The following CHST11 variants were observed in gnomAD, a reference collection of about 807,000 sequenced individuals.
CHST11 encodes the protein C4S-1.
In CHST11, 9 loss-of-function variants were observed where a neutral mutation model predicts 30.4. The observed-to-expected ratio is 0.30, with a 90% CI of 0.18 to 0.52. CHST11 has a LOEUF of 0.52. CHST11 is among the 20% of genes least tolerant of loss of function. The pLI is 0.97. For synonymous variants in CHST11, 152 were observed against 187.8 expected (o/e 0.81, Z 1.56); for missense variants, 348 against 460.6 (o/e 0.76, Z 2.24).
intron 2 of CHST11, among the ~76,000 whole-genome samples, chr12:104,691,343 A>T (rs2039894685): frequency 6.6e-6 from 1 of 151,856 alleles, no homozygotes; most frequent in South Asian, 2.1e-4. Flanking sequence ...TGAGAGTTAG[A>T]CTTCCAGTTC....
chr12:104,481,018 C>A (rs909926573), intron 1 of CHST11, among the ~76,000 whole-genome samples: 1 of 152,236 alleles, frequency 6.6e-6, no homozygotes, highest in African/African-American at 2.4e-5. Context: ...CTTAGCTTCA[C>A]CCCTGTGCCG....
intron 2 of CHST11, among the ~76,000 whole-genome samples, chr12:104,685,780 G>C (rs997556794): frequency 3.9e-5 from 6 of 152,220 alleles, no homozygotes; most frequent in Non-Finnish European, 8.8e-5. Flanking sequence ...CAAAATAACA[G>C]CTCCTGGCAC....
At chr12:104,562,522 G>A (rs1045408177) in intron 1 of CHST11, among the ~76,000 whole-genome samples, 1 of 152,180 alleles carries the variant, frequency 6.6e-6, no homozygotes, top group Admixed American at 6.5e-5. Context: ...AGTCTCCTCA[G>A]GCTAAAGTGA....
rs1208942764 is a variant in CHST11 at position 104,737,066 on chromosome 12, C to T, written c.205-19883C>T. The stretch of plus-strand genomic sequence containing the variant: ...AGATGATCTTTATGGGATATTCTGC[C>T]TCAGCAATTAGCTATGGGAATTTTA... On this transcript the variant is annotated intron_variant, in intron 2 of 2. Coordinates refer to ENST00000303694, the MANE Select transcript of CHST11 (RefSeq NM_018413.6). Among the ~76,000 whole-genome samples the T allele has an allele frequency of 3.9e-5, 6 of 152,300 alleles. No individual in the cohort carries two copies. In the South Asian group the frequency reaches 1.2e-3, roughly 32 times the overall value.
At chr12:104,697,038 G>A (rs1182780046) in intron 2 of CHST11, among the ~76,000 whole-genome samples, 1 of 152,120 alleles carries the variant, frequency 6.6e-6, no homozygotes, top group Non-Finnish European at 1.5e-5. Context: ...CAGATAAATT[G>A]CTTCCATTTT....
chr12:104,626,470 A>G (rs1254990836), intron 2 of CHST11, among the ~76,000 whole-genome samples: 1 of 151,968 alleles, frequency 6.6e-6, no homozygotes, highest in Admixed American at 6.6e-5. Flanking sequence ...AAGGAGAGCT[A>G]TAATACTTTA....
At chr12:104,608,485 C>T (rs988001571) in intron 2 of CHST11, among the ~76,000 whole-genome samples, 3 of 152,222 alleles carry the variant, frequency 2.0e-5, no homozygotes, top group Non-Finnish European at 2.9e-5. Flanking sequence ...AAGCACCATC[C>T]TATAAAATCC....
chr12:104,705,029 A>G (rs1358288141), intron 2 of CHST11, among the ~76,000 whole-genome samples: 1 of 152,172 alleles, frequency 6.6e-6, no homozygotes, highest in East Asian at 1.9e-4. Flanking sequence ...GAATAATATT[A>G]TAATATGAAA....
intron 2 of CHST11, among the ~76,000 whole-genome samples, chr12:104,747,935 C>T (rs1452201177): frequency 6.6e-6 from 1 of 152,148 alleles, no homozygotes; most frequent in Non-Finnish European, 1.5e-5. Flanking sequence ...TAAGATGAAA[C>T]GTAGTAAAAT....
chr12:104,592,862 T>C (rs1391698036), intron 1 of CHST11, among the ~76,000 whole-genome samples: 4 of 152,200 alleles, frequency 2.6e-5, no homozygotes, highest in African/African-American at 9.7e-5. Context: ...TTTCTGCAGA[T>C]GGGCCAGAAT....
chr12:104,523,909 C>T (rs2038098115), intron 1 of CHST11, among the ~76,000 whole-genome samples: 1 of 152,144 alleles, frequency 6.6e-6, no homozygotes, highest in Non-Finnish European at 1.5e-5. Context: ...TTCACCTCAC[C>T]CTATCCACAT....
At position 104,580,016 on chromosome 12, in the gene CHST11, T is replaced by C. The variant is rs559584959; in HGVS notation, c.119-21890T>C. Among the ~76,000 whole-genome samples, 8 of 152,268 alleles carry C rather than the reference T, an allele frequency of 5.3e-5. No homozygotes were observed. The South Asian group carries it at 1.7e-3, about 32-fold the overall frequency. On this transcript the variant is annotated intron_variant, in intron 1 of 2. Coordinates refer to ENST00000303694, the MANE Select transcript of CHST11 (RefSeq NM_018413.6). ...TGTGGACAATGATCACATAAGATCA[T>C]CCCTAAGTTACCAGTCCCTTTTATT...
At chr12:104,564,596 G>A (rs2038543250) in intron 1 of CHST11, among the ~76,000 whole-genome samples, 1 of 152,190 alleles carries the variant, frequency 6.6e-6, no homozygotes, top group Admixed American at 6.5e-5. Context: ...CAAGGCTCTT[G>A]GAGCCTAGTT....
chr12:104,570,145 A>T (rs1373367616), intron 1 of CHST11, among the ~76,000 whole-genome samples: 1 of 152,080 alleles, frequency 6.6e-6, no homozygotes. Flanking sequence ...GTATTAAACC[A>T]GTGACTGCCC....
chr12:104,584,829 A>G (rs2038785901), intron 1 of CHST11, among the ~76,000 whole-genome samples: 1 of 152,170 alleles, frequency 6.6e-6, no homozygotes, highest in Admixed American at 6.5e-5. Context: ...TATAGCAAAC[A>G]TCTTTGCGCG....
chr12:104,548,677 G>A (rs1592757402), intron 1 of CHST11, among the ~76,000 whole-genome samples: 1 of 152,102 alleles, frequency 6.6e-6, no homozygotes, highest in Non-Finnish European at 1.5e-5. Context: ...TTTCCTAGTT[G>A]CAGGAGAGGC....
chr12:104,523,203 T>C (rs1380547324), intron 1 of CHST11, among the ~76,000 whole-genome samples: 2 of 152,232 alleles, frequency 1.3e-5, no homozygotes, highest in African/African-American at 2.4e-5. Flanking sequence ...AGAGTCCACA[T>C]TGAGTTTCCT....
At chr12:104,586,761 T>C (rs1211400935) in intron 1 of CHST11, among the ~76,000 whole-genome samples, 1 of 152,248 alleles carries the variant, frequency 6.6e-6, no homozygotes, top group Non-Finnish European at 1.5e-5. Context: ...CAAGGAAGGA[T>C]AAATGCAAAG....
intron 1 of CHST11, among the ~76,000 whole-genome samples, chr12:104,568,333 C>G (rs74621821): frequency 0.081 from 12,388 of 152,250 alleles, 563 homozygotes; most frequent in South Asian, 0.12. Context: ...AGTGGCCCCC[C>G]TCCCACTGTC....
Sources: gnomAD v4.1 joint callset for allele counts (sites outside exome capture counted in the v4.1 genomes callset) on GRCh38, gnomAD v4.1.1 for gene constraint, MANE v1.5 for transcripts, NCBI Gene and HGNC (gene_info 2026-07-23, HGNC 2026-07-21) for gene names.